ZDHHC17: variants seen among roughly 807,000 people sequenced by gnomAD.
The protein encoded by ZDHHC17 is palmitoyltransferase ZDHHC17.
Under a neutral mutation model 90.3 loss-of-function variants are expected in ZDHHC17, and 40 were observed. The observed-to-expected ratio is 0.44, with a 90% confidence interval of 0.34 to 0.58. The LOEUF (loss-of-function observed/expected upper bound fraction) is 0.58, where lower values mean the gene tolerates loss of function less well. ZDHHC17 is among the 20% of genes least tolerant of loss of function. The pLI is 0.01. For missense variants in ZDHHC17, 614 were observed against 780.8 expected (o/e 0.79, Z 2.55); for synonymous variants, 235 against 252.4 (o/e 0.93, Z 0.65).
chr12:76,783,508 G>A (rs1041064103), intron 1 of ZDHHC17, among the ~76,000 whole-genome samples: 1 of 152,212 alleles, frequency 6.6e-6, no homozygotes, highest in Non-Finnish European at 1.5e-5. Context: ...CCGCCCCCAT[G>A]ATCAATCACC....
chr12:76,815,193 A>C lies in ZDHHC17; in HGVS notation c.591A>C (p.Ala197=). Reference sequence around the variant, plus strand: ...ATGGAATGACGCCTTTAATGTGGGCAGCATATAGAACACATAGGTATGTAA... The same window carrying C: ...ATGGAATGACGCCTTTAATGTGGGCCGCATATAGAACACATAGGTATGTAA... ...DQNGMTPLMW[A]AYRTHSVDPT... The change falls in exon 6 of 17, where the codon GCA becomes GCC. Residue 197 remains alanine, a synonymous_variant. Transcript: ENST00000426126. The C allele has an allele frequency of 6.4e-7, 1 of 1,566,956 alleles. No individual in the cohort carries two copies. The highest frequency in any genetic ancestry group is 1.3e-5 in the African/African-American group (1 of 74,128).
chr12:76,791,485 G>A (rs1214096211), intron 1 of ZDHHC17, among the ~76,000 whole-genome samples: 1 of 152,050 alleles, frequency 6.6e-6, no homozygotes, highest in Non-Finnish European at 1.5e-5. Flanking sequence ...TTATACGTAT[G>A]CTTTTTGTTT....
Position 76,764,276 on chromosome 12 carries a change from G to A in ZDHHC17, c.40G>A (p.Gly14Ser), listed in dbSNP as rs1336069058. 1.9e-6 allele frequency: 3 copies of A among 1,607,072 alleles called. No individual in the cohort carries two copies. The East Asian group carries it at 6.7e-5, about 36-fold the overall frequency. Residue 14 changes from glycine to serine, a missense_variant, in exon 1 of 17, where the codon GGC (glycine) becomes AGC (serine). By Grantham distance (56) the Gly-to-Ser change is moderately conservative (BLOSUM62 0). This residue lies in a region of ZDHHC17 where 358 missense variants were observed against 380.4 expected (regional missense o/e 0.94). Coordinates refer to ENST00000426126, the MANE Select transcript of ZDHHC17 (RefSeq NM_015336.4). ...EEGFNTKMAD[G>S]PDEYDTEAGC... ...GGGATTTAACACCAAGATGGCGGACGGCCCGGATGAGTACGATACCGAAGC... is the reference window on the plus strand; with the variant it reads ...GGGATTTAACACCAAGATGGCGGACAGCCCGGATGAGTACGATACCGAAGC...
intron 1 of ZDHHC17, among the ~76,000 whole-genome samples, chr12:76,783,406 G>A (rs1952649590): frequency 1.3e-5 from 2 of 152,216 alleles, no homozygotes; most frequent in South Asian, 2.1e-4. Flanking sequence ...AGAGGGGTAC[G>A]TGAAGGAGGA....
chr12:76,799,324 G>A (rs532048170), intron 2 of ZDHHC17, among the ~76,000 whole-genome samples: 28 of 152,194 alleles, frequency 1.8e-4, no homozygotes, highest in African/African-American at 6.7e-4. Flanking sequence ...TTTTTTATTT[G>A]TTTTGTGAAA....
At chr12:76,773,186 G>C (rs2137713296) in intron 1 of ZDHHC17, among the ~76,000 whole-genome samples, 2 of 152,220 alleles carry the variant, frequency 1.3e-5, no homozygotes, top group East Asian at 3.9e-4. Flanking sequence ...AGAGTAATGT[G>C]TGTCCGCCAT....
Position 76,851,773 on chromosome 12 carries a change from A to G in ZDHHC17, c.*788A>G, listed in dbSNP as rs1402711607. ...ACTAGCAGATACTATCCAGTGAAGC[A>G]TAAATTAGAATTTAATTTGATGTTC... On this transcript the variant is annotated 3_prime_UTR_variant, in exon 17 of 17. Coordinates refer to ENST00000426126, the MANE Select transcript of ZDHHC17 (RefSeq NM_015336.4). 1 of 152,700 alleles carries G rather than the reference A, an allele frequency of 6.5e-6. No individual in the cohort carries two copies. The highest frequency in any genetic ancestry group is 1.5e-5 in the Non-Finnish European group (1 of 68,048). 9.5% of individuals were successfully genotyped at this position (152,700 alleles called of 1,614,324 possible).
intron 2 of ZDHHC17, among the ~76,000 whole-genome samples, chr12:76,804,581 A>G (rs1952932637): frequency 6.6e-6 from 1 of 152,230 alleles, no homozygotes; most frequent in African/African-American, 2.4e-5. Context: ...CAGAATGTAG[A>G]GGAGGGGTCA....
chr12:76,841,950 AT>A, intron 10 of ZDHHC17, 31 bp from the exon 11 acceptor site: 1 of 1,415,930 alleles, frequency 7.1e-7, no homozygotes, highest in East Asian at 2.7e-5. Context: ...TTCATTTATC[AT>A]TGCTTCTTTA....
chr12:76,778,004 A>G (rs1325416948), intron 1 of ZDHHC17, among the ~76,000 whole-genome samples: 1 of 152,156 alleles, frequency 6.6e-6, no homozygotes, highest in East Asian at 1.9e-4. Flanking sequence ...TTTAAGGTAC[A>G]TGGGCATTAC....
chr12:76,816,993 T>C (rs967766951), intron 7 of ZDHHC17, among the ~76,000 whole-genome samples: 5 of 151,926 alleles, frequency 3.3e-5, no homozygotes, highest in Admixed American at 1.3e-4. Context: ...CCACTAAACA[T>C]AGGGAAAGAA....
In ZDHHC17 at chr12:76,764,161, G is replaced by C; in HGVS notation, c.-76G>C. 1 of 1,180,316 alleles carries C rather than the reference G, an allele frequency of 8.5e-7. No individual in the cohort carries two copies. The highest frequency in any genetic ancestry group is 2.7e-5 in the East Asian group (1 of 37,050). The allele number at this position is 1,180,316 out of a possible 1,614,324, so 73.1% of individuals were successfully genotyped here. ...GGAGGAGGAGGCCCGCGTCGCCTCCGGCGGGGCTCGCGCTCGCCCCGCGCT... is the reference window on the plus strand; with the variant it reads ...GGAGGAGGAGGCCCGCGTCGCCTCCCGCGGGGCTCGCGCTCGCCCCGCGCT... On this transcript the variant is annotated 5_prime_UTR_variant, in exon 1 of 17. Coordinates refer to ENST00000426126, the MANE Select transcript of ZDHHC17 (RefSeq NM_015336.4).
chr12:76,788,781 C>T (rs1258649556), intron 1 of ZDHHC17, among the ~76,000 whole-genome samples: 3 of 138,504 alleles, frequency 2.2e-5, no homozygotes, highest in Non-Finnish European at 3.0e-5. Flanking sequence ...ACTGCAACCT[C>T]TGCCTCCCGG....
intron 15 of ZDHHC17, 31 bp from the exon 16 acceptor site, chr12:76,849,344 AG>A (rs1337413791): frequency 2.6e-6 from 3 of 1,133,302 alleles, no homozygotes; most frequent in South Asian, 1.5e-5. Context: ...AAAAAAAACA[AG>A]AATAATGGTT....
chr12:76,850,761 A>T, intron 16 of ZDHHC17, 86 bp from the exon 17 acceptor site: 2 of 1,507,436 alleles, frequency 1.3e-6, no homozygotes, highest in Non-Finnish European at 1.8e-6. Context: ...AGAAAAAAAT[A>T]TATTTAACAC....
intron 3 of ZDHHC17, among the ~76,000 whole-genome samples, 197 bp downstream of exon 3, chr12:76,805,636 C>G (rs1952946648): frequency 6.6e-6 from 1 of 152,134 alleles, no homozygotes; most frequent in African/African-American, 2.4e-5. Context: ...AAGTACTGTA[C>G]TGAGTACTTT....
intron 1 of ZDHHC17, among the ~76,000 whole-genome samples, chr12:76,784,957 T>C (rs1952668502): frequency 6.6e-6 from 1 of 152,224 alleles, no homozygotes; most frequent in South Asian, 2.1e-4. Context: ...CAACATCTGC[T>C]TATTATGAGA....
At chr12:76,786,016 C>T (rs1402350637) in intron 1 of ZDHHC17, among the ~76,000 whole-genome samples, 3 of 151,810 alleles carry the variant, frequency 2.0e-5, no homozygotes, top group Non-Finnish European at 4.4e-5. Context: ...GAGGAAGGGA[C>T]GGATTTATTT....
In ZDHHC17 at chr12:76,809,726, T is replaced by G; in HGVS notation, c.412T>G (p.Ser138Ala). 6.4e-7 allele frequency: 1 copy of G among 1,560,130 alleles called. No homozygotes were observed. The highest frequency in any genetic ancestry group is 8.7e-7 in the Non-Finnish European group (1 of 1,156,028). The stretch of plus-strand genomic sequence containing the variant: ...TTTATGTTTTAGACAAGGCCATCTA[T>G]CCATGGTTGTGCAACTAATGAAATA... ...LHWATRQGHL[S>A]MVVQLMKYGA... Residue 138 changes from serine to alanine, a missense_variant, in exon 5 of 17, where the codon TCC becomes GCC. Transcript: ENST00000426126.
Sources: allele counts gnomAD v4.1 joint callset (sites outside exome capture counted in the v4.1 genomes callset), GRCh38; gene constraint gnomAD v4.1.1; regional missense constraint gnomAD v4.1.1; transcripts MANE v1.5; gene names NCBI Gene and HGNC (gene_info 2026-07-23, HGNC 2026-07-21).